The following PTPRM variants were observed in gnomAD, a reference collection of about 807,000 sequenced individuals.
The protein encoded by PTPRM is protein tyrosine phosphatase receptor type M, also known as receptor-type tyrosine-protein phosphatase mu.
In PTPRM, 47 loss-of-function variants were observed where a neutral mutation model predicts 186.7. That is an observed-to-expected ratio of 0.25 (90% CI 0.20 to 0.32). The LOEUF is 0.32. Ranked by LOEUF, PTPRM falls within the 10% of genes least tolerant of loss-of-function variation. The pLI is 1.00. For synonymous variants in PTPRM, 668 were observed against 674.9 expected, an observed-to-expected ratio of 0.99 and a Z score of 0.16; for missense variants, 1,494 against 1,865.0, an observed-to-expected ratio of 0.80 and a Z score of 3.66.
At chr18:7,864,032 CT>C (rs1302989612) in intron 2 of PTPRM, among the ~76,000 whole-genome samples, 5 of 152,158 alleles carry the variant, frequency 3.3e-5, no homozygotes, top group Non-Finnish European at 7.3e-5. Flanking sequence ...CCTTTGCCCA[CT>C]TTTTGATGAG....
At chr18:7,725,057 A>G (rs1418531717) in intron 1 of PTPRM, among the ~76,000 whole-genome samples, 1 of 152,176 alleles carries the variant, frequency 6.6e-6, no homozygotes, top group Non-Finnish European at 1.5e-5. Flanking sequence ...GGCAGAGACA[A>G]AGGGTCTTCA....
chr18:7,846,558 C>T (rs750172510), intron 2 of PTPRM, among the ~76,000 whole-genome samples: 59 of 152,310 alleles, frequency 3.9e-4, no homozygotes, highest in African/African-American at 1.3e-3. Flanking sequence ...CTTCTGTAGC[C>T]GGGAATTATG....
At chr18:8,144,504 C>T (rs923390070) in intron 14 of PTPRM, among the ~76,000 whole-genome samples, 4 of 152,118 alleles carry the variant, frequency 2.6e-5, no homozygotes, top group African/African-American at 9.7e-5. Flanking sequence ...CACCTGTAGT[C>T]TCAGCTACTG....
At chr18:7,865,724 CT>C (rs2047654674) in intron 2 of PTPRM, among the ~76,000 whole-genome samples, 1 of 152,086 alleles carries the variant, frequency 6.6e-6, no homozygotes, top group South Asian at 2.1e-4. Flanking sequence ...AGGATTCCTT[CT>C]TTTTCTCTTG....
chr18:7,756,875 C>T (rs752421808), intron 1 of PTPRM, among the ~76,000 whole-genome samples: 1 of 152,106 alleles, frequency 6.6e-6, no homozygotes, highest in Non-Finnish European at 1.5e-5. Context: ...CTGTGCATGG[C>T]CCTGTGGAAT....
intron 1 of PTPRM, among the ~76,000 whole-genome samples, chr18:7,625,985 C>T (rs558402474): frequency 6.6e-6 from 1 of 152,168 alleles, no homozygotes; most frequent in African/African-American, 2.4e-5. Context: ...GCTGAAACAG[C>T]CGTTTCAGCC....
At chr18:8,108,708 A>G (rs1215981544) in intron 11 of PTPRM, among the ~76,000 whole-genome samples, 1 of 152,210 alleles carries the variant, frequency 6.6e-6, no homozygotes, top group African/African-American at 2.4e-5. Flanking sequence ...AGGCCTTAGA[A>G]TTTTGTTGTA....
chr18:7,841,133 A>G (rs1202421842), intron 2 of PTPRM, among the ~76,000 whole-genome samples: 4 of 152,194 alleles, frequency 2.6e-5, no homozygotes, highest in Admixed American at 1.3e-4. Context: ...GTAAGTGATC[A>G]TAATATAGCC....
chr18:7,649,889 A>T (rs2144263511), intron 1 of PTPRM, among the ~76,000 whole-genome samples: 1 of 152,214 alleles, frequency 6.6e-6, no homozygotes, highest in East Asian at 1.9e-4. Flanking sequence ...TCAGATAACG[A>T]TTAGCATTTT....
chr18:8,119,472 C>T (rs1187929258), intron 13 of PTPRM, among the ~76,000 whole-genome samples: 1 of 151,490 alleles, frequency 6.6e-6, no homozygotes, highest in Non-Finnish European at 1.5e-5. Context: ...AATTATATAG[C>T]AAGACCACTC....
intron 14 of PTPRM, among the ~76,000 whole-genome samples, chr18:8,186,390 T>TTGA (rs1453688969): frequency 6.6e-6 from 1 of 152,116 alleles, no homozygotes; most frequent in Non-Finnish European, 1.5e-5. Context: ...TCACCCCATC[T>TTGA]TGATGGTCTG....
chr18:8,224,360 C>A (rs1301355174), intron 14 of PTPRM, among the ~76,000 whole-genome samples: 1 of 152,194 alleles, frequency 6.6e-6, no homozygotes, highest in African/African-American at 2.4e-5. Context: ...ATGAAACACT[C>A]AATTACAAGT....
At chr18:7,714,891 A>G (rs964783806) in intron 1 of PTPRM, among the ~76,000 whole-genome samples, 1 of 152,214 alleles carries the variant, frequency 6.6e-6, no homozygotes, top group Non-Finnish European at 1.5e-5. Context: ...TACCAACCAA[A>G]AAAAGCCTAG....
intron 1 of PTPRM, among the ~76,000 whole-genome samples, chr18:7,637,651 A>G (rs75257475): frequency 0.035 from 5,301 of 152,258 alleles, 334 homozygotes; most frequent in African/African-American, 0.12. Flanking sequence ...TGGGGGATAT[A>G]GTAGGTTCTT....
intron 1 of PTPRM, among the ~76,000 whole-genome samples, chr18:7,688,993 G>A (rs1418399690): frequency 6.6e-6 from 1 of 152,052 alleles, no homozygotes; most frequent in African/African-American, 2.4e-5. Context: ...AAGAATTTCA[G>A]GAGTTACTCA....
intron 19 of PTPRM, among the ~76,000 whole-genome samples, chr18:8,289,579 T>TATATATATACACATATATATATAC (rs2095015596): frequency 9.6e-6 from 1 of 103,836 alleles, no homozygotes; most frequent in East Asian, 2.3e-4. Flanking sequence ...TATATATACA[T>TATATATATACACATATATATATAC]ATATATATAC....
intron 19 of PTPRM, among the ~76,000 whole-genome samples, chr18:8,267,968 G>T (rs2094722566): frequency 6.6e-6 from 1 of 152,014 alleles, no homozygotes; most frequent in Non-Finnish European, 1.5e-5. Flanking sequence ...ATTATTATTT[G>T]TCTCCTACTA....
At chr18:8,360,627 C>A (rs1482104451) in intron 23 of PTPRM, among the ~76,000 whole-genome samples, 2 of 152,120 alleles carry the variant, frequency 1.3e-5, no homozygotes, top group Non-Finnish European at 2.9e-5. Flanking sequence ...CTTGCTAGGA[C>A]TTTGTATAAA....
At chr18:7,935,729 G>A (rs1289234527) in intron 5 of PTPRM, among the ~76,000 whole-genome samples, 1 of 152,148 alleles carries the variant, frequency 6.6e-6, no homozygotes, top group African/African-American at 2.4e-5. Flanking sequence ...GGTAGATTTT[G>A]TGTTGCTGGG....
Sources: allele counts gnomAD v4.1 joint callset (sites outside exome capture counted in the v4.1 genomes callset), GRCh38; gene constraint gnomAD v4.1.1; transcripts MANE v1.5; gene names NCBI Gene and HGNC (gene_info 2026-07-23, HGNC 2026-07-21).